THADA: variants seen among roughly 807,000 people sequenced by gnomAD.
THADA encodes the protein THADA armadillo repeat containing.
Under a neutral mutation model 219.8 loss-of-function variants are expected in THADA, and 213 were observed. The ratio of observed to expected loss-of-function variants is 0.97; its 90% CI spans 0.87 to 1.09. The LOEUF is 1.09. Ranked by LOEUF, THADA falls within the 50% of genes least tolerant of loss-of-function variation. The pLI is 0.00. For synonymous variants in THADA, 1,018 were observed against 828.9 expected (o/e 1.23, Z -3.92); for missense variants, 2,956 against 2,311.3 (o/e 1.28, Z -5.72).
intron 29 of THADA, among the ~76,000 whole-genome samples, chr2:43,382,656 A>G (rs1290208501): frequency 1.3e-5 from 2 of 152,240 alleles, no homozygotes; most frequent in Non-Finnish European, 2.9e-5. Context: ...CCTGAAAAGC[A>G]TAACAATCAT....
chr2:43,357,278 T>A lies in THADA; in HGVS notation c.4228-13041A>T, dbSNP rs76770377. ...ATGGATTTGGCACATACTTTTTTTT[T>A]AAAAAGAGTAAGACCCAACTGATAG... On this transcript the variant is annotated intron_variant, in intron 29 of 37. Coordinates refer to ENST00000405975, the MANE Select transcript of THADA (RefSeq NM_022065.5). Among the ~76,000 whole-genome samples, 343 of 152,202 alleles carry A rather than the reference T, an allele frequency of 2.3e-3. 8 individuals are homozygous for A. The East Asian group carries it at 0.054, about 24-fold the overall frequency.
chr2:43,264,118 G>C (rs946698017), intron 36 of THADA, among the ~76,000 whole-genome samples: 1 of 152,012 alleles, frequency 6.6e-6, no homozygotes, highest in Non-Finnish European at 1.5e-5. Flanking sequence ...ATGTCACGGG[G>C]CACCTTGCCT....
At chr2:43,420,867 G>T (rs953169151) in intron 28 of THADA, among the ~76,000 whole-genome samples, 1 of 152,062 alleles carries the variant, frequency 6.6e-6, no homozygotes, top group Admixed American at 6.6e-5. Context: ...AGCTACCCTG[G>T]GTAGAATTCA....
At chr2:43,433,677 C>T (rs918635355) in intron 26 of THADA, among the ~76,000 whole-genome samples, 2 of 152,006 alleles carry the variant, frequency 1.3e-5, no homozygotes. Context: ...TGTGTGTCTG[C>T]AAGACTTCAT....
intron 28 of THADA, among the ~76,000 whole-genome samples, chr2:43,411,824 C>T (rs902978102): frequency 2.0e-5 from 3 of 152,260 alleles, no homozygotes; most frequent in Middle Eastern, 3.4e-3. Flanking sequence ...AGCTGAAGCC[C>T]TCTAGCATTT....
Position 43,248,897 on chromosome 2 carries a change from C to A in THADA, c.5297-16015G>T, listed in dbSNP as rs529135651. Among the ~76,000 whole-genome samples, 3 of 152,302 alleles carry A rather than the reference C, an allele frequency of 2.0e-5. No homozygotes were observed. The South Asian group carries it at 6.2e-4, about 32-fold the overall frequency. On this transcript the variant is annotated intron_variant, in intron 36 of 37. Coordinates refer to ENST00000405975, the MANE Select transcript of THADA (RefSeq NM_022065.5). ...GCTCTCTGGAACTCTGAGGCGCCCT[C>A]CTCTGCTGCTTCCTGCTTTACTTTT...
At chr2:43,478,072 T>C (rs1685749306) in intron 26 of THADA, among the ~76,000 whole-genome samples, 1 of 152,184 alleles carries the variant, frequency 6.6e-6, no homozygotes, top group African/African-American at 2.4e-5. Context: ...CCTAAACTAG[T>C]TTCCATGTTG....
At position 43,575,390 on chromosome 2, in the gene THADA, A is replaced by G. The variant is rs566400952; in HGVS notation, c.1038-363T>C. Among the ~76,000 whole-genome samples, 13 of 152,296 alleles carry G rather than the reference A, an allele frequency of 8.5e-5. No individual in the cohort carries two copies. In the South Asian group the frequency reaches 2.5e-3, roughly 29 times the overall value. On this transcript the variant is annotated intron_variant, in intron 10 of 37. Transcript: ENST00000405975. ...GCTTGAGCTCAGGAGTGAGACTGCAATGAGCTGTGCTCATGCCACTACACT... is the reference window on the plus strand; with the variant it reads ...GCTTGAGCTCAGGAGTGAGACTGCAGTGAGCTGTGCTCATGCCACTACACT...
chr2:43,471,266 C>A (rs1684870660), intron 26 of THADA, among the ~76,000 whole-genome samples: 1 of 152,194 alleles, frequency 6.6e-6, no homozygotes, highest in African/African-American at 2.4e-5. Flanking sequence ...TGGCTCACAT[C>A]TATAATCCCA....
intron 31 of THADA, among the ~76,000 whole-genome samples, chr2:43,294,895 C>CGG (rs1478322056): frequency 1.3e-5 from 2 of 152,094 alleles, no homozygotes; most frequent in Admixed American, 1.3e-4. Flanking sequence ...AATGAGGGTG[C>CGG]GGACTAGGGT....
In THADA at chr2:43,268,715, A is replaced by T. The variant is rs140549351; in HGVS notation, c.5296+11050T>A. Among the ~76,000 whole-genome samples, 723 of 152,174 alleles carry T rather than the reference A, an allele frequency of 4.8e-3. 3 individuals carry two copies. Among genetic ancestry groups the T allele is most frequent in the African/African-American group, 0.017 (691 of 41,518 alleles). ...AGTGAAGAGGCCTCTCCTGGGCCCC[A>T]CCCCTGCCCTGCAGAACTTCTCGGG... On this transcript the variant is annotated intron_variant, in intron 36 of 37. Coordinates refer to ENST00000405975, the MANE Select transcript of THADA (RefSeq NM_022065.5).
chr2:43,337,445 T>C (rs1405060177), intron 30 of THADA, among the ~76,000 whole-genome samples: 1 of 152,176 alleles, frequency 6.6e-6, no homozygotes, highest in Non-Finnish European at 1.5e-5. Flanking sequence ...GAAATAATAT[T>C]TACAAATCTC....
chr2:43,592,408 T>G lies in THADA; in HGVS notation c.-16A>C. ...TTACACCCATTTTAAATAGAATTAA[T>G]AGTAGTCACTGCAAGAAAGAAGACT... On this transcript the variant is annotated 5_prime_UTR_variant, in exon 2 of 38. Transcript: ENST00000405975. 6.4e-7 allele frequency: 1 copy of G among 1,551,594 alleles called. No homozygotes were observed. Among genetic ancestry groups the G allele is most frequent in the South Asian group, 1.2e-5 (1 of 85,692 alleles).
At chr2:43,543,496 G>A (rs910085098) in intron 20 of THADA, among the ~76,000 whole-genome samples, 3 of 150,874 alleles carry the variant, frequency 2.0e-5, no homozygotes, top group African/African-American at 7.3e-5. Context: ...CACCAACAGT[G>A]TAAAAGTGTT....
intron 29 of THADA, among the ~76,000 whole-genome samples, chr2:43,388,795 C>T (rs1185583825): frequency 2.0e-5 from 3 of 152,182 alleles, no homozygotes; most frequent in Non-Finnish European, 4.4e-5. Context: ...TTGTCTCATG[C>T]ACTCACACAT....
At chr2:43,250,099 T>C (rs909338426) in intron 36 of THADA, among the ~76,000 whole-genome samples, 1 of 152,120 alleles carries the variant, frequency 6.6e-6, no homozygotes, top group Non-Finnish European at 1.5e-5. Flanking sequence ...AGCTTATACA[T>C]GAATGTTCAT....
chr2:43,233,086 C>T lies in THADA; in HGVS notation c.5297-204G>A, dbSNP rs949429465. 2.6e-5 allele frequency: 15 copies of T among 583,096 alleles called. No individual in the cohort carries two copies. The Admixed American group carries it at 4.2e-4, about 16-fold the overall frequency. The allele number at this position is 583,096 out of a possible 1,614,324, so 36.1% of individuals were successfully genotyped here. A position where few individuals can be genotyped will look rare whatever the true frequency, so the allele number is the denominator to read the frequency against. On this transcript the variant is annotated intron_variant, in intron 36 of 37. Transcript: ENST00000405975. ...TATACTGTTAGAATGAGTCATAGGC[C>T]TGAACCCACTGTTTCCATGCCCCCT...
At chr2:43,525,083 T>C (rs1002122185) in intron 22 of THADA, among the ~76,000 whole-genome samples, 1 of 152,198 alleles carries the variant, frequency 6.6e-6, no homozygotes, top group African/African-American at 2.4e-5. Flanking sequence ...GGGTATGCCA[T>C]CATTATCTCA....
intron 36 of THADA, among the ~76,000 whole-genome samples, chr2:43,267,543 C>A (rs1361263787): frequency 3.9e-5 from 6 of 152,220 alleles, no homozygotes; most frequent in African/African-American, 1.4e-4. Flanking sequence ...GATTTCTGAG[C>A]CTCTTTGGCT....
Sources: gnomAD v4.1 joint callset for allele counts (sites outside exome capture counted in the v4.1 genomes callset) on GRCh38, gnomAD v4.1.1 for gene constraint, MANE v1.5 for transcripts, NCBI Gene and HGNC (gene_info 2026-07-23, HGNC 2026-07-21) for gene names.